The following MID1 variants were observed in gnomAD, a reference collection of about 807,000 sequenced individuals.
The protein encoded by MID1 is E3 ubiquitin-protein ligase Midline-1.
A neutral mutation model predicts 40.4 loss-of-function variants in MID1; 7 were observed. That is an observed-to-expected ratio of 0.17 (90% confidence interval 0.10 to 0.33). The LOEUF (loss-of-function observed/expected upper bound fraction) is 0.33, where lower values mean the gene tolerates loss of function less well. Ranked by LOEUF, MID1 falls within the 10% of genes least tolerant of loss-of-function variation. MID1 has a pLI of 1.00. For missense variants in MID1, 367 were observed against 558.5 expected (o/e 0.66, Z 3.46); for synonymous variants, 229 against 221.2 (o/e 1.04, Z -0.31).
chrX:10,794,521 A>G (rs749860773), intron 1 of MID1, among the ~76,000 whole-genome samples: 1 of 112,352 alleles, frequency 8.9e-6, no homozygotes, highest in Non-Finnish European at 1.9e-5. Flanking sequence ...AAGGAACTTG[A>G]ACTGAGTGAC....
chrX:10,674,266 T>C (rs1381872884), intron 1 of MID1, among the ~76,000 whole-genome samples: 1 of 112,523 alleles, frequency 8.9e-6, no homozygotes, highest in Non-Finnish European at 1.9e-5. Context: ...AAGTAGCCAG[T>C]AACATATTTT....
chrX:10,768,065 T>C (rs973414634), intron 1 of MID1, among the ~76,000 whole-genome samples: 2 of 111,984 alleles, frequency 1.8e-5, no homozygotes, highest in African/African-American at 6.5e-5. Context: ...TAATTAAGTT[T>C]ATAAATGAGA....
intron 1 of MID1, among the ~76,000 whole-genome samples, chrX:10,746,566 T>C (rs59961587): frequency 0.062 from 6,855 of 111,447 alleles, 534 homozygotes; most frequent in African/African-American, 0.21. Context: ...GTCTGTCAAA[T>C]TGCAGCCTTC....
At chrX:10,466,056 C>T (rs1929368327) in intron 7 of MID1, among the ~76,000 whole-genome samples, 1 of 112,013 alleles carries the variant, frequency 8.9e-6, no homozygotes, top group Admixed American at 9.4e-5. Context: ...TCCGGTTAGA[C>T]TATTCACTCA....
chrX:10,636,624 G>A (rs1172612524), intron 1 of MID1, among the ~76,000 whole-genome samples: 1 of 106,957 alleles, frequency 9.3e-6, no homozygotes, highest in Non-Finnish European at 1.9e-5. Flanking sequence ...CACTCTCCAC[G>A]GTCTTAAGAT....
intron 1 of MID1, among the ~76,000 whole-genome samples, chrX:10,729,603 T>C (rs2043426005): frequency 8.9e-6 from 1 of 112,326 alleles, no homozygotes; most frequent in South Asian, 3.7e-4. Flanking sequence ...TGTGATTATT[T>C]ATAAAATAAT....
At chrX:10,638,395 G>T (rs1036332717) in intron 1 of MID1, among the ~76,000 whole-genome samples, 1 of 112,224 alleles carries the variant, frequency 8.9e-6, no homozygotes, top group Non-Finnish European at 1.9e-5. Flanking sequence ...CACCCACAGA[G>T]CCTGGCTCAC....
Position 10,580,911 on chromosome X carries a change from A to C in MID1, c.-56-13308T>G, listed in dbSNP as rs7049363. Among the ~76,000 whole-genome samples the C allele has an allele frequency of 4.8e-3, 485 of 100,170 alleles. 3 individuals are homozygous for C. Among genetic ancestry groups the C allele is most frequent in the African/African-American group, 0.016 (427 of 26,495 alleles). The allele number at this position is 100,170 out of a possible 115,157, so 87.0% of individuals were successfully genotyped here. A position where few individuals can be genotyped will look rare whatever the true frequency, so the allele number is the denominator to read the frequency against. On this transcript the variant is annotated intron_variant, in intron 1 of 9. Transcript: ENST00000317552. Reference sequence around the variant, plus strand: ...GTGTTCTTGGTCTAGTTTTGGGCTGACACTGTCAATGTGGTGTCCTGTAAA... The same window carrying C: ...GTGTTCTTGGTCTAGTTTTGGGCTGCCACTGTCAATGTGGTGTCCTGTAAA...
intron 2 of MID1, among the ~76,000 whole-genome samples, chrX:10,545,182 G>C (rs1437968617): frequency 9.0e-6 from 1 of 111,237 alleles, no homozygotes; most frequent in African/African-American, 3.3e-5. Context: ...GGCTGGTCTC[G>C]AACTCCTGAC....
At position 10,614,018 on chromosome X, in the gene MID1, T is replaced by G. The variant is rs190691348; in HGVS notation, c.-57+6272A>C. Among the ~76,000 whole-genome samples, 249 of 109,106 alleles carry G rather than the reference T, an allele frequency of 2.3e-3. 4 individuals carry two copies. Among genetic ancestry groups the G allele is most frequent in the African/African-American group, 8.0e-3 (239 of 29,889 alleles). 94.7% of individuals were successfully genotyped at this position (109,106 alleles called of 115,157 possible). On this transcript the variant is annotated intron_variant, in intron 1 of 9. Transcript: ENST00000317552. ...ACCCAGCATGTGCCTGTAGAACACT[T>G]AATGATTCTTATTGTGTGCCAGACA...
intron 1 of MID1, among the ~76,000 whole-genome samples, chrX:10,601,904 T>TTTG (rs1167756197): frequency 9.3e-6 from 1 of 107,415 alleles, no homozygotes; most frequent in African/African-American, 3.4e-5. Context: ...TGTTTTTGTT[T>TTTG]TTTTTTTTTT....
chrX:10,502,379 C>T lies in MID1; in HGVS notation c.757-6688G>A, dbSNP rs1009352143. On this transcript the variant is annotated intron_variant, in intron 3 of 9. Coordinates refer to ENST00000317552, the MANE Select transcript of MID1 (RefSeq NM_000381.4). ...CTGACTTGATATATCACTTCTTATT[C>T]GTACACAGACGGAAACACTGAAGTA... Among the ~76,000 whole-genome samples, 4 of 112,095 alleles carry T rather than the reference C, an allele frequency of 3.6e-5. No individual in the cohort carries two copies. In the South Asian group the frequency reaches 1.1e-3, roughly 32 times the overall value.
At chrX:10,451,184 G>A (rs765178886) in intron 9 of MID1, among the ~76,000 whole-genome samples, 4 of 111,474 alleles carry the variant, frequency 3.6e-5, no homozygotes, top group Admixed American at 9.5e-5. Context: ...CTTCCCTCCC[G>A]TCCATCCTCT....
At chrX:10,700,693 A>G (rs73202016) in intron 1 of MID1, among the ~76,000 whole-genome samples, 250 of 112,623 alleles carry the variant, frequency 2.2e-3, no homozygotes, top group Non-Finnish European at 3.3e-3. Context: ...AAGCAGCTTT[A>G]AGACATCTTA....
chrX:10,583,903 C>T (rs1190349759), intron 1 of MID1, among the ~76,000 whole-genome samples: 2 of 110,356 alleles, frequency 1.8e-5, no homozygotes, highest in African/African-American at 3.3e-5. Flanking sequence ...CGGTGGCAGA[C>T]GCCTGTAATC....
intron 1 of MID1, among the ~76,000 whole-genome samples, chrX:10,728,392 A>G (rs192633142): frequency 8.0e-5 from 9 of 111,995 alleles, no homozygotes; most frequent in Non-Finnish European, 1.3e-4. Context: ...ACAGTTCAAT[A>G]AACGTTTATT....
chrX:10,522,729 C>T (rs988918202), intron 3 of MID1, among the ~76,000 whole-genome samples: 13 of 111,912 alleles, frequency 1.2e-4, no homozygotes, highest in African/African-American at 4.2e-4. Flanking sequence ...ATCTCCTGAC[C>T]TCGTGATCTG....
intron 3 of MID1, among the ~76,000 whole-genome samples, chrX:10,504,756 TG>T (rs1336256850): frequency 9.4e-6 from 1 of 106,624 alleles, no homozygotes; most frequent in Non-Finnish European, 1.9e-5. Context: ...GAGCAGGAGT[TG>T]GGGGACTTTT....
At chrX:10,826,645 T>C (rs2044218549) in intron 1 of MID1, among the ~76,000 whole-genome samples, 1 of 111,651 alleles carries the variant, frequency 9.0e-6, no homozygotes. Flanking sequence ...TCAGGGAAAT[T>C]TTCTCTGCCT....
Sources: allele counts gnomAD v4.1 joint callset (sites outside exome capture counted in the v4.1 genomes callset), GRCh38; gene constraint gnomAD v4.1.1; transcripts MANE v1.5; gene names NCBI Gene and HGNC (gene_info 2026-07-23, HGNC 2026-07-21).